The following MNAT1 variants were observed in gnomAD, a reference collection of about 807,000 sequenced individuals.
MNAT1 encodes MNAT1 component of CDK activating kinase.
MNAT1 carries 43 observed loss-of-function variants against 42.0 expected under a neutral mutation model. The observed-to-expected ratio is 1.02, with a 90% CI of 0.80 to 1.32. The LOEUF is 1.32. MNAT1 is among the 40% of genes most tolerant of loss of function. The probability of loss-of-function intolerance (pLI) is 0.00; values close to 1 mark genes in which losing one functional copy is unlikely to be tolerated. For synonymous variants in MNAT1, 118 were observed against 120.0 expected, an observed-to-expected ratio of 0.98 and a Z score of 0.11; for missense variants, 306 against 350.4, an observed-to-expected ratio of 0.87 and a Z score of 1.01.
intron 7 of MNAT1, among the ~76,000 whole-genome samples, chr14:60,884,543 C>T (rs774239129): frequency 6.6e-6 from 1 of 151,978 alleles, no homozygotes; most frequent in Non-Finnish European, 1.5e-5. Flanking sequence ...AGGTTGATAG[C>T]ATAAACAAAC....
chr14:60,784,422 T>C (rs2031576514), intron 1 of MNAT1, among the ~76,000 whole-genome samples: 1 of 151,674 alleles, frequency 6.6e-6, no homozygotes, highest in African/African-American at 2.4e-5. Flanking sequence ...TAAATGATCC[T>C]CCTGCTGCGG....
intron 7 of MNAT1, among the ~76,000 whole-genome samples, chr14:60,948,259 T>C (rs1037939747): frequency 3.0e-4 from 46 of 151,998 alleles, no homozygotes; most frequent in African/African-American, 8.9e-4. Flanking sequence ...AGTGAGACCC[T>C]GTCTCTACAA....
chr14:60,943,887 G>A (rs558426983), intron 7 of MNAT1, among the ~76,000 whole-genome samples: 31 of 152,208 alleles, frequency 2.0e-4, no homozygotes, highest in Non-Finnish European at 3.8e-4. Flanking sequence ...AATTATAACC[G>A]AAGCAAGATT....
At chr14:60,891,120 T>C (rs2034834121) in intron 7 of MNAT1, among the ~76,000 whole-genome samples, 1 of 152,196 alleles carries the variant, frequency 6.6e-6, no homozygotes, top group Admixed American at 6.5e-5. Flanking sequence ...TTAGAATTGG[T>C]AATAATGGCT....
intron 7 of MNAT1, among the ~76,000 whole-genome samples, chr14:60,914,490 GAT>G (rs2035468152): frequency 6.6e-6 from 1 of 151,970 alleles, no homozygotes; most frequent in African/African-American, 2.4e-5. Context: ...GGTGTGTCTG[GAT>G]TGTTATTTTT....
intron 7 of MNAT1, among the ~76,000 whole-genome samples, chr14:60,916,386 G>A (rs1362652103): frequency 6.6e-6 from 1 of 152,204 alleles, no homozygotes; most frequent in Admixed American, 6.5e-5. Flanking sequence ...CAGGTGCTAT[G>A]GCTCACGCCT....
intron 1 of MNAT1, among the ~76,000 whole-genome samples, chr14:60,755,235 C>G (rs1460375235): frequency 2.0e-5 from 3 of 152,074 alleles, no homozygotes; most frequent in African/African-American, 4.8e-5. Context: ...CCTCTGCCTC[C>G]CAGGTTCAAG....
At chr14:60,744,651 T>C (rs1896562341) in intron 1 of MNAT1, among the ~76,000 whole-genome samples, 1 of 152,254 alleles carries the variant, frequency 6.6e-6, no homozygotes, top group Non-Finnish European at 1.5e-5. Flanking sequence ...TTTTACTCTT[T>C]GCTAGAATGA....
chr14:60,816,861 A>C (rs1033457509), intron 5 of MNAT1, among the ~76,000 whole-genome samples: 2 of 152,078 alleles, frequency 1.3e-5, no homozygotes, highest in African/African-American at 4.8e-5. Flanking sequence ...CTTCAATATC[A>C]AAAGTGTTTT....
intron 6 of MNAT1, among the ~76,000 whole-genome samples, chr14:60,837,185 G>C (rs1015043425): frequency 6.6e-6 from 1 of 152,202 alleles, no homozygotes; most frequent in Non-Finnish European, 1.5e-5. Flanking sequence ...CGCTGGGCTA[G>C]ACCACTTGGC....
rs1249916800 is a variant in MNAT1, at chr14:60,922,866, A to C, written c.809+43031A>C. On this transcript the variant is annotated intron_variant, in intron 7 of 7. Transcript: ENST00000261245. Reference sequence around the variant, plus strand: ...GTCTTGGAATCTGAGAAAGTTTATAAAGACAAACTGGAAGAAATATTAGTA... The same window carrying C: ...GTCTTGGAATCTGAGAAAGTTTATACAGACAAACTGGAAGAAATATTAGTA... Among the ~76,000 whole-genome samples, 5 of 152,198 alleles carry C rather than the reference A, an allele frequency of 3.3e-5. No individual in the cohort carries two copies. The East Asian group carries it at 9.6e-4, about 29-fold the overall frequency.
At chr14:60,874,632 C>T (rs1408223212) in intron 6 of MNAT1, among the ~76,000 whole-genome samples, 2 of 151,984 alleles carry the variant, frequency 1.3e-5, no homozygotes, top group Non-Finnish European at 2.9e-5. Context: ...TAAGTCTATA[C>T]CATACCATTT....
At chr14:60,850,323 A>G (rs1251343935) in intron 6 of MNAT1, among the ~76,000 whole-genome samples, 1 of 152,206 alleles carries the variant, frequency 6.6e-6, no homozygotes, top group Admixed American at 6.5e-5. Flanking sequence ...CCATTCTAGC[A>G]AAGTTTCACT....
intron 7 of MNAT1, among the ~76,000 whole-genome samples, chr14:60,936,101 T>TC (rs1317423267): frequency 6.6e-6 from 1 of 152,006 alleles, no homozygotes; most frequent in Non-Finnish European, 1.5e-5. Flanking sequence ...TCCACCCCGT[T>TC]CCCCCAGTGC....
intron 1 of MNAT1, among the ~76,000 whole-genome samples, chr14:60,761,042 G>A (rs2030576788): frequency 6.6e-6 from 1 of 152,142 alleles, no homozygotes; most frequent in African/African-American, 2.4e-5. Context: ...TTTCTTGCTA[G>A]ACGCTTATGA....
intron 7 of MNAT1, among the ~76,000 whole-genome samples, chr14:60,941,257 C>T (rs190278703): frequency 4.6e-5 from 7 of 152,154 alleles, no homozygotes; most frequent in African/African-American, 1.7e-4. Flanking sequence ...TCTCTTAGTC[C>T]CTGTGATTCA....
chr14:60,968,471 G>C lies in MNAT1; in HGVS notation c.*122G>C. ...TCCTTCCACTAGCAGCTGTGTTAAAGTATTTATAAGGAGAAAATTTCAGAA... is the reference window on the plus strand; with the variant it reads ...TCCTTCCACTAGCAGCTGTGTTAAACTATTTATAAGGAGAAAATTTCAGAA... On this transcript the variant is annotated 3_prime_UTR_variant, in exon 8 of 8. Transcript: ENST00000261245. The C allele has an allele frequency of 6.6e-7, 1 of 1,513,700 alleles. No individual in the cohort carries two copies. Among genetic ancestry groups the C allele is most frequent in the Non-Finnish European group, 8.8e-7 (1 of 1,134,740 alleles). 93.8% of individuals were successfully genotyped at this position (1,513,700 alleles called of 1,614,324 possible).
intron 7 of MNAT1, among the ~76,000 whole-genome samples, chr14:60,932,166 T>C (rs2035902361): frequency 6.6e-6 from 1 of 152,050 alleles, no homozygotes; most frequent in African/African-American, 2.4e-5. Flanking sequence ...GTTATCTTTT[T>C]TCTTATGTAA....
intron 5 of MNAT1, among the ~76,000 whole-genome samples, chr14:60,816,169 A>G (rs1261047065): frequency 2.0e-5 from 3 of 152,114 alleles, no homozygotes; most frequent in African/African-American, 7.2e-5. Flanking sequence ...TCTTTGTGCC[A>G]AAAGTCACTT....
Sources: allele counts gnomAD v4.1 joint callset (sites outside exome capture counted in the v4.1 genomes callset), GRCh38; gene constraint gnomAD v4.1.1; transcripts MANE v1.5; gene names NCBI Gene and HGNC (gene_info 2026-07-23, HGNC 2026-07-21).